USPL1: variants seen among roughly 807,000 people sequenced by gnomAD.
The protein encoded by USPL1 is ubiquitin specific peptidase like 1, also known as SUMO-specific isopeptidase USPL1.
Under a neutral mutation model 51.5 loss-of-function variants are expected in USPL1, and 27 were observed. That is an observed-to-expected ratio of 0.52 (90% CI 0.39 to 0.72). The LOEUF is 0.72. USPL1 is among the 30% of genes least tolerant of loss of function. USPL1 has a pLI of 0.00. For synonymous variants in USPL1, 451 were observed against 459.6 expected, an observed-to-expected ratio of 0.98 and a Z score of 0.24; for missense variants, 1,226 against 1,268.0, an observed-to-expected ratio of 0.97 and a Z score of 0.50.
intron 5 of USPL1, among the ~76,000 whole-genome samples, chr13:30,642,280 C>T (rs1950958203): frequency 9.2e-6 from 1 of 109,110 alleles, no homozygotes; most frequent in South Asian, 2.8e-4. Context: ...TTTTAATATA[C>T]TCTAAGGCTT....
chr13:30,643,340 A>C lies in USPL1; in HGVS notation c.1112+583A>C, dbSNP rs372067663. ...CATAATGAATTTCGTGTTTAGGCTCAGGTCCCATCCCCAGGTTACCTCTTT... is the reference window on the plus strand; with the variant it reads ...CATAATGAATTTCGTGTTTAGGCTCCGGTCCCATCCCCAGGTTACCTCTTT... On this transcript the variant is annotated intron_variant, in intron 6 of 8. Transcript: ENST00000255304. Among the ~76,000 whole-genome samples the C allele has an allele frequency of 1.3e-4, 20 of 152,342 alleles. No individual in the cohort carries two copies. In the East Asian group the frequency reaches 2.5e-3, roughly 19 times the overall value.
At chr13:30,618,514 C>T (rs1398541636) in intron 1 of USPL1, among the ~76,000 whole-genome samples, 5 of 152,016 alleles carry the variant, frequency 3.3e-5, no homozygotes, top group African/African-American at 9.7e-5. Flanking sequence ...AGGGCGAGCT[C>T]AAATGGGTGG....
intron 3 of USPL1, among the ~76,000 whole-genome samples, chr13:30,626,411 A>G (rs1195689253): frequency 6.6e-6 from 1 of 152,256 alleles, no homozygotes; most frequent in Non-Finnish European, 1.5e-5. Context: ...TTCAGTGTTC[A>G]TAAATAAAGT....
intron 3 of USPL1, among the ~76,000 whole-genome samples, chr13:30,626,512 A>G (rs1004336360): frequency 6.6e-6 from 1 of 152,196 alleles, no homozygotes; most frequent in Non-Finnish European, 1.5e-5. Context: ...GTGACAGACT[A>G]TGTAGCTCAT....
rs1951236678 is a variant in USPL1 at position 30,660,050 on chromosome 13, A to AGCT, written c.*695_*697dup. The AGCT allele has an allele frequency of 1.3e-5, 2 of 152,302 alleles. No individual in the cohort carries two copies. The highest frequency in any genetic ancestry group is 2.4e-5 in the African/African-American group (1 of 41,456). The allele number at this position is 152,302 out of a possible 1,614,324, so 9.4% of individuals were successfully genotyped here. On this transcript the variant is annotated 3_prime_UTR_variant, in exon 9 of 9. Transcript: ENST00000255304. Reference sequence around the variant, plus strand: ...TCTCAGACGGGGCCCTGGAGAGGATAGCTTCTATCCATAGGCAGGTTGTTC... The same window carrying AGCT: ...TCTCAGACGGGGCCCTGGAGAGGATAGCTGCTTCTATCCATAGGCAGGTTGTTC...
At chr13:30,621,689 C>T (rs1358762828) in intron 2 of USPL1, 75 bp from the exon 3 acceptor site, 2 of 1,180,740 alleles carry the variant, frequency 1.7e-6, no homozygotes, top group African/African-American at 3.2e-5. Context: ...TTCTGGTTAC[C>T]TTTCCATTTA....
intron 7 of USPL1, among the ~76,000 whole-genome samples, chr13:30,651,758 C>T (rs1219739677): frequency 3.3e-5 from 5 of 152,140 alleles, no homozygotes; most frequent in Admixed American, 1.3e-4. Flanking sequence ...GTCAGCAGTT[C>T]GAGACCAGCC....
chr13:30,627,770 A>T (rs1380229154), intron 3 of USPL1, among the ~76,000 whole-genome samples: 2 of 152,124 alleles, frequency 1.3e-5, no homozygotes, highest in Non-Finnish European at 2.9e-5. Flanking sequence ...CTTGTGCAGC[A>T]GATCTCTAGA....
chr13:30,647,768 G>C (rs1393562673), intron 7 of USPL1, among the ~76,000 whole-genome samples: 1 of 152,066 alleles, frequency 6.6e-6, no homozygotes, highest in Admixed American at 6.5e-5. Context: ...AAAGAACCGG[G>C]AACATTAACC....
At position 30,658,662 on chromosome 13, in the gene USPL1, A is replaced by G. The variant is rs1951207829; in HGVS notation, c.2585A>G (p.Gln862Arg). Residue 862 changes from glutamine to arginine, a missense_variant, in exon 9 of 9, where the codon CAA becomes CGA. By Grantham distance (43) the Gln-to-Arg change is conservative. Transcript: ENST00000255304. ...TCTGGAAGCACCTCATGTGGAGCTC[A>G]ACTCAACCACAGTTCTTATGGGAAT... ...EKSGSTSCGA[Q>R]LNHSSYGNGI... 1 of 1,614,100 alleles carries G rather than the reference A, an allele frequency of 6.2e-7. No individual in the cohort carries two copies. Among genetic ancestry groups the G allele is most frequent in the Non-Finnish European group, 8.5e-7 (1 of 1,180,052 alleles).
intron 4 of USPL1, among the ~76,000 whole-genome samples, chr13:30,634,896 A>G (rs1192882294): frequency 6.6e-6 from 1 of 152,188 alleles, no homozygotes; most frequent in Non-Finnish European, 1.5e-5. Flanking sequence ...AGTGGTATAA[A>G]ATGGTCTGTG....
At chr13:30,635,098 T>A (rs1412075706) in intron 4 of USPL1, among the ~76,000 whole-genome samples, 8 of 152,240 alleles carry the variant, frequency 5.3e-5, no homozygotes, top group Non-Finnish European at 8.8e-5. Context: ...TTACATCAGA[T>A]GTGTTGCTGA....
At chr13:30,645,579 G>A (rs759971283) in intron 6 of USPL1, among the ~76,000 whole-genome samples, 3 of 152,152 alleles carry the variant, frequency 2.0e-5, no homozygotes, top group Non-Finnish European at 2.9e-5. Flanking sequence ...ATGAAGTGAC[G>A]TTTTCTTAAA....
rs759101089 is a variant in USPL1, at chr13:30,618,011, G to A, written c.-114G>A. 1 of 152,308 alleles carries A rather than the reference G, an allele frequency of 6.6e-6. No homozygotes were observed. Among genetic ancestry groups the A allele is most frequent in the Admixed American group, 6.5e-5 (1 of 15,286 alleles). 9.4% of individuals were successfully genotyped at this position (152,308 alleles called of 1,614,324 possible). A position where few individuals can be genotyped will look rare whatever the true frequency, so the allele number is the denominator to read the frequency against. On this transcript the variant is annotated 5_prime_UTR_variant, in exon 1 of 9. Transcript: ENST00000255304. ...CTAGGGTGGAGATCAAGCTGGAACA[G>A]GAGTTCCGATCGACCCGGTACCAAG...
At chr13:30,642,501 T>C (rs1950961063) in intron 5 of USPL1, 127 bp from the exon 6 acceptor site, 2 of 1,083,274 alleles carry the variant, frequency 1.8e-6, no homozygotes, top group Admixed American at 2.6e-5. Context: ...GAGTGACTTA[T>C]TGTGTCATAC....
At chr13:30,656,619 G>A (rs755096691) in intron 8 of USPL1, among the ~76,000 whole-genome samples, 3 of 152,204 alleles carry the variant, frequency 2.0e-5, no homozygotes, top group Non-Finnish European at 4.4e-5. Flanking sequence ...GAATAATGCT[G>A]TTGTGAACAT....
At chr13:30,628,746 T>C (rs980985732) in intron 3 of USPL1, among the ~76,000 whole-genome samples, 9 of 152,262 alleles carry the variant, frequency 5.9e-5, no homozygotes, top group Admixed American at 1.3e-4. Context: ...TTGAGTAATA[T>C]TCCACATTAT....
chr13:30,654,590 A>T (rs79047998), intron 8 of USPL1, among the ~76,000 whole-genome samples: 4,625 of 152,228 alleles, frequency 0.03, 252 homozygotes, highest in African/African-American at 0.11. Context: ...TGTGGTAGAG[A>T]ACCACTGACA....
At position 30,621,185 on chromosome 13, in the gene USPL1, A is replaced by G; in HGVS notation, c.45A>G (p.Gly15=). 6.2e-7 allele frequency: 1 copy of G among 1,608,644 alleles called. No individual in the cohort carries two copies. The highest frequency in any genetic ancestry group is 1.3e-5 in the African/African-American group (1 of 74,706). The change falls in exon 2 of 9, where the codon GGA becomes GGG. Residue 15 remains glycine, a synonymous_variant. Coordinates refer to ENST00000255304, the MANE Select transcript of USPL1 (RefSeq NM_005800.5). ...PKIGNGLPVI[G]PGTDIGISSL... is the part of the protein sequence containing the mutation. ...TTGGAAATGGTTTGCCAGTGATTGG[A>G]CCAGGGACTGATATAGGGATATCTT...
Sources: allele counts gnomAD v4.1 joint callset (sites outside exome capture counted in the v4.1 genomes callset), GRCh38; gene constraint gnomAD v4.1.1; transcripts MANE v1.5; gene names NCBI Gene and HGNC (gene_info 2026-07-23, HGNC 2026-07-21).